Variants in GPR19 observed in about 807,000 individuals in gnomAD.
GPR19 encodes probable G protein-coupled receptor 19.
A neutral mutation model predicts 28.5 loss-of-function variants in GPR19; 14 were observed. The ratio of observed to expected loss-of-function variants is 0.49; its 90% confidence interval spans 0.32 to 0.77. GPR19 has a LOEUF of 0.77. Ranked by LOEUF, GPR19 falls within the 30% of genes least tolerant of loss-of-function variation. GPR19 has a pLI of 0.03. For missense variants in GPR19, 409 were observed against 504.1 expected (o/e 0.81, Z 1.81); for synonymous variants, 173 against 184.1 (o/e 0.94, Z 0.49).
chr12:12,673,390 C>T (rs1566145330), intron 3 of GPR19, among the ~76,000 whole-genome samples: 1 of 152,202 alleles, frequency 6.6e-6, no homozygotes, highest in Non-Finnish European at 1.5e-5. Flanking sequence ...CTTCTGAGGT[C>T]AGGGGAAGTC....
At chr12:12,688,467 A>G (rs1946126620) in intron 2 of GPR19, 1 of 152,228 alleles carries the variant, frequency 6.6e-6, no homozygotes. Context: ...GGACTCATCA[A>G]AAAGTCAAAT....
the GPR19 span, among the ~76,000 whole-genome samples, chr12:12,704,666 G>T: frequency 1.3e-5 from 2 of 152,176 alleles, no homozygotes; most frequent in African/African-American, 4.8e-5. Flanking sequence ...TATGCATTTA[G>T]AAAAGCAGAT....
upstream of GPR19, among the ~76,000 whole-genome samples, chr12:12,700,710 A>G (rs1863754520): frequency 1.3e-5 from 2 of 152,198 alleles, no homozygotes; most frequent in African/African-American, 2.4e-5. Flanking sequence ...ATGCTGTCCA[A>G]TACAGTAGTA....
the GPR19 span, chr12:12,716,606 G>A: frequency 1.1e-3 from 164 of 156,152 alleles, 1 homozygote; most frequent in Admixed American, 4.1e-3. Flanking sequence ...AGAGACTAGA[G>A]TTTTTTGTTT....
intron 3 of GPR19, among the ~76,000 whole-genome samples, chr12:12,682,097 A>C (rs1346904079): frequency 4.6e-5 from 7 of 152,200 alleles, no homozygotes; most frequent in East Asian, 3.8e-4. Context: ...TCTCAAACTG[A>C]ATTAAACTGT....
rs188714975 is a variant in GPR19, at chr12:12,686,172, C to T, written c.-179-1665G>A. Among the ~76,000 whole-genome samples the T allele has an allele frequency of 2.5e-3, 379 of 152,210 alleles. 1 individual carries two copies. The highest frequency in any genetic ancestry group is 8.7e-3 in the African/African-American group (360 of 41,528). ...TTCAGAATATTTATTTTTTGAAAGA[C>T]GAATGCTGACTTGCAATGTGTAGAA... On this transcript the variant is annotated intron_variant, in intron 2 of 3. Transcript: ENST00000651487.
intron 2 of GPR19, among the ~76,000 whole-genome samples, chr12:12,689,250 G>A (rs892364351): frequency 6.6e-6 from 1 of 152,074 alleles, no homozygotes; most frequent in African/African-American, 2.4e-5. Context: ...CTCCCACCAG[G>A]CCCCACGTCC....
rs746027983 is a variant in GPR19, at chr12:12,662,305, A to T, written c.144T>A (p.Ser48Arg). ...GAAGGTCTGTTTGGTTGCTCATCCAACTGTGCTCCTCACTTAATTCCATCA... is the reference window on the plus strand; with the variant it reads ...GAAGGTCTGTTTGGTTGCTCATCCATCTGTGCTCCTCACTTAATTCCATCA... ...QYLMELSEEH[S>R]WMSNQTDLHY... The change falls in exon 4 of 4, where the codon AGT (serine) becomes AGA (arginine). Residue 48 changes from serine to arginine, a missense_variant. By Grantham distance (110) the Ser-to-Arg change is moderately radical. Transcript: ENST00000651487. 2 of 1,614,206 alleles carry T rather than the reference A, an allele frequency of 1.2e-6. No homozygotes were observed. The highest frequency in any genetic ancestry group is 3.3e-5 in the Admixed American group (2 of 60,026).
chr12:12,670,698 A>G (rs1945844283), intron 3 of GPR19, among the ~76,000 whole-genome samples: 1 of 152,216 alleles, frequency 6.6e-6, no homozygotes, highest in Non-Finnish European at 1.5e-5. Context: ...TTTAAACCAT[A>G]TGACAAACAA....
chr12:12,705,187 C>T, the GPR19 span, among the ~76,000 whole-genome samples: 1 of 149,308 alleles, frequency 6.7e-6, no homozygotes, highest in Non-Finnish European at 1.5e-5. Flanking sequence ...GATCTTGGCC[C>T]ATGCCTGTAA....
At chr12:12,709,160 C>A in the GPR19 span, among the ~76,000 whole-genome samples, 1 of 151,888 alleles carries the variant, frequency 6.6e-6, no homozygotes, top group African/African-American at 2.4e-5. Flanking sequence ...ACTTTATAAA[C>A]ACAGTGCTAT....
intron 2 of GPR19, among the ~76,000 whole-genome samples, chr12:12,689,239 C>T (rs1946146293): frequency 6.6e-6 from 1 of 152,130 alleles, no homozygotes; most frequent in African/African-American, 2.4e-5. Context: ...GACCCAAACA[C>T]CTCCCACCAG....
chr12:12,712,640 A>T, the GPR19 span, among the ~76,000 whole-genome samples: 1 of 152,046 alleles, frequency 6.6e-6, no homozygotes, highest in African/African-American at 2.4e-5. Flanking sequence ...TGTACTTCAT[A>T]GCATCATGTT....
intron 3 of GPR19, among the ~76,000 whole-genome samples, chr12:12,665,480 C>A (rs1164521457): frequency 2.0e-5 from 3 of 152,202 alleles, no homozygotes; most frequent in African/African-American, 4.8e-5. Context: ...GTTCTCACTC[C>A]ACCTAAAATC....
intron 2 of GPR19, among the ~76,000 whole-genome samples, chr12:12,688,289 G>A (rs1946123861): frequency 6.6e-6 from 1 of 151,846 alleles, no homozygotes; most frequent in South Asian, 2.1e-4. Context: ...TGTTACTGAA[G>A]TATTCTTTCT....
chr12:12,662,218 C>G lies in GPR19; in HGVS notation c.231G>C (p.Leu77Phe). The part of the protein sequence containing the change: ...TASIFFGILW[L>F]FSIFGNSLVC... The stretch of plus-strand genomic sequence containing the variant: ...CCAGGGAATTGCCGAAGATAGAAAA[C>G]AACCACAGAATCCCAAAGAAGATGC... The change falls in exon 4 of 4, where the codon TTG becomes TTC. Residue 77 changes from leucine (L) to phenylalanine (F), a missense_variant. Leu to Phe is a conservative substitution (Grantham distance 22, BLOSUM62 0). Transcript: ENST00000651487. 6.2e-7 allele frequency: 1 copy of G among 1,614,224 alleles called. No homozygotes were observed. Among genetic ancestry groups the G allele is most frequent in the South Asian group, 1.1e-5 (1 of 91,082 alleles).
At chr12:12,680,856 T>C (rs1397954154) in intron 3 of GPR19, among the ~76,000 whole-genome samples, 1 of 151,990 alleles carries the variant, frequency 6.6e-6, no homozygotes, top group Admixed American at 6.6e-5. Flanking sequence ...ACCCAGCTAA[T>C]TTTTGTATTT....
chr12:12,673,203 T>C lies in GPR19; in HGVS notation c.-22-10733A>G, dbSNP rs571324057. Among the ~76,000 whole-genome samples the C allele has an allele frequency of 7.4e-4, 112 of 152,322 alleles. No homozygotes were observed. In the South Asian group the frequency reaches 0.022, roughly 30 times the overall value. On this transcript the variant is annotated intron_variant, in intron 3 of 3. Transcript: ENST00000651487. The stretch of plus-strand genomic sequence containing the variant: ...GTGTGGTCACATCAATATAATCTTC[T>C]TCTGGCCAGTGACAAGAGAAAGTCT...
chr12:12,705,086 CT>C, the GPR19 span, among the ~76,000 whole-genome samples: 1 of 149,768 alleles, frequency 6.7e-6, no homozygotes, highest in Admixed American at 6.7e-5. Context: ...TTGGGAAAGG[CT>C]TTTTGTCAAG....
Sources: gnomAD v4.1 joint callset for allele counts (sites outside exome capture counted in the v4.1 genomes callset) on GRCh38, gnomAD v4.1.1 for gene constraint, MANE v1.5 for transcripts, NCBI Gene and HGNC (gene_info 2026-07-23, HGNC 2026-07-21) for gene names.